The following TENM1 variants were observed in gnomAD, a reference collection of about 807,000 sequenced individuals.
TENM1 encodes teneurin transmembrane protein 1.
A neutral mutation model predicts 174.8 loss-of-function variants in TENM1; 35 were observed. The observed-to-expected ratio is 0.20, with a 90% CI of 0.15 to 0.27. The LOEUF (loss-of-function observed/expected upper bound fraction) is 0.27, where lower values mean the gene tolerates loss of function less well. Ranked by LOEUF, TENM1 falls within the 10% of genes least tolerant of loss-of-function variation. The pLI is 1.00. For missense variants in TENM1, 1,633 were observed against 2,130.1 expected (o/e 0.77, Z 4.59); for synonymous variants, 781 against 798.7 (o/e 0.98, Z 0.37).
At chrX:124,666,013 T>C (rs1275702817) in intron 6 of TENM1, among the ~76,000 whole-genome samples, 1 of 111,920 alleles carries the variant, frequency 8.9e-6, no homozygotes, top group Admixed American at 9.5e-5. Flanking sequence ...CAGTAGTCAC[T>C]ATTTGGTCTT....
At chrX:125,063,235 G>A in the TENM1 span, among the ~76,000 whole-genome samples, 1 of 111,809 alleles carries the variant, frequency 8.9e-6, no homozygotes, top group South Asian at 3.7e-4. Flanking sequence ...ACTTCAAAAC[G>A]TTCATGGAAG....
the TENM1 span, among the ~76,000 whole-genome samples, chrX:125,152,595 TC>T: frequency 3.6e-5 from 4 of 111,898 alleles, no homozygotes; most frequent in Non-Finnish European, 7.5e-5. Context: ...AACCAGATTT[TC>T]CTAAATAGTT....
chrX:125,190,184 T>C, the TENM1 span, among the ~76,000 whole-genome samples: 2 of 112,013 alleles, frequency 1.8e-5, no homozygotes, highest in Non-Finnish European at 3.8e-5. Context: ...CCTCAAGGCC[T>C]AGAGAACTTC....
At chrX:124,982,953 C>T in the TENM1 span, among the ~76,000 whole-genome samples, 51 of 112,043 alleles carry the variant, frequency 4.6e-4, no homozygotes, top group African/African-American at 1.4e-3. Flanking sequence ...ACCAGTTCCT[C>T]CATTCACTTA....
At chrX:124,799,811 AG>A (rs1025981914) in intron 3 of TENM1, among the ~76,000 whole-genome samples, 1 of 111,529 alleles carries the variant, frequency 9.0e-6, no homozygotes, top group Non-Finnish European at 1.9e-5. Context: ...TTTAACGTGA[AG>A]GGATGTTGAA....
chrX:124,708,839 TA>T (rs202084251), intron 4 of TENM1, among the ~76,000 whole-genome samples: 6 of 110,114 alleles, frequency 5.4e-5, no homozygotes, highest in African/African-American at 1.3e-4. Flanking sequence ...GTAACTAAGA[TA>T]AAAAAAAAGA....
chrX:125,001,891 C>T, the TENM1 span, among the ~76,000 whole-genome samples: 10 of 75,427 alleles, frequency 1.3e-4, no homozygotes, highest in East Asian at 4.0e-3. Flanking sequence ...ACACACACAG[C>T]TCTCTCTACC....
chrX:124,555,256 A>G (rs1231828270), intron 14 of TENM1, among the ~76,000 whole-genome samples: 1 of 111,607 alleles, frequency 9.0e-6, no homozygotes, highest in Non-Finnish European at 1.9e-5. Flanking sequence ...GGGCATATAT[A>G]CATGCTGTTT....
Position 124,641,270 on chromosome X carries a change from A to G in TENM1, c.2077+521T>C, listed in dbSNP as rs143649810. On this transcript the variant is annotated intron_variant, in intron 11 of 31. Coordinates refer to ENST00000422452, the Ensembl canonical transcript of TENM1. ...TTTGATCATAGACTAGGACACTTGAAGTTTATCTACAGATAATGGGAAACT... is the reference window on the plus strand; with the variant it reads ...TTTGATCATAGACTAGGACACTTGAGGTTTATCTACAGATAATGGGAAACT... Among the ~76,000 whole-genome samples, 371 of 112,153 alleles carry G rather than the reference A, an allele frequency of 3.3e-3. 2 individuals are homozygous for G. Among genetic ancestry groups the G allele is most frequent in the African/African-American group, 0.011 (346 of 30,875 alleles).
chrX:124,744,429 T>C, intron 3 of TENM1, among the ~76,000 whole-genome samples: 1 of 112,046 alleles, frequency 8.9e-6, no homozygotes, highest in Non-Finnish European at 1.9e-5. Context: ...TAAACGTTAG[T>C]ATACGGTATT....
At chrX:125,200,451 A>T in the TENM1 span, among the ~76,000 whole-genome samples, 1 of 111,421 alleles carries the variant, frequency 9.0e-6, no homozygotes, top group South Asian at 3.7e-4. Context: ...CTGTAGTCAT[A>T]CTAGGAATCC....
At chrX:124,715,445 T>C (rs1054341784) in intron 4 of TENM1, among the ~76,000 whole-genome samples, 3 of 111,017 alleles carry the variant, frequency 2.7e-5, no homozygotes, top group African/African-American at 9.8e-5. Flanking sequence ...TTCCCTTTGC[T>C]GAAAGTCAGT....
chrX:124,807,878 TACACACACACAC>T (rs151254866), intron 3 of TENM1, among the ~76,000 whole-genome samples: 56 of 85,171 alleles, frequency 6.6e-4, no homozygotes, highest in Non-Finnish European at 1.1e-3. Flanking sequence ...GAAAATCACT[TACACACACACAC>T]ACACACACAC....
At chrX:124,523,323 T>A in intron 17 of TENM1, 41 bp downstream of exon 20, 6 of 1,186,802 alleles carry the variant, frequency 5.1e-6, no homozygotes, top group Non-Finnish European at 6.9e-6. Flanking sequence ...GACCACTCCA[T>A]GATATTATTA....
At chrX:124,790,842 A>G (rs1490250724) in intron 3 of TENM1, among the ~76,000 whole-genome samples, 1 of 111,349 alleles carries the variant, frequency 9.0e-6, no homozygotes, top group South Asian at 3.7e-4. Context: ...ATACTTATTT[A>G]TATGTATAAT....
the TENM1 span, among the ~76,000 whole-genome samples, chrX:125,080,397 T>A: frequency 9.0e-6 from 1 of 111,167 alleles, no homozygotes; most frequent in African/African-American, 3.3e-5. Context: ...TGGAGACCCA[T>A]ACCAGCTCAG....
chrX:124,850,075 TAGTC>T (rs1187702526), intron 3 of TENM1, among the ~76,000 whole-genome samples: 2 of 111,998 alleles, frequency 1.8e-5, no homozygotes, highest in Non-Finnish European at 3.8e-5. Flanking sequence ...GCAAGGCTGG[TAGTC>T]AGCTATACCA....
At chrX:125,024,694 T>C in the TENM1 span, among the ~76,000 whole-genome samples, 1 of 111,404 alleles carries the variant, frequency 9.0e-6, no homozygotes, top group African/African-American at 3.3e-5. Context: ...TCCCAGACTT[T>C]ACCATTAAAC....
chrX:124,780,252 C>T (rs192662634), intron 3 of TENM1, among the ~76,000 whole-genome samples: 271 of 112,268 alleles, frequency 2.4e-3, no homozygotes, highest in African/African-American at 8.2e-3. Flanking sequence ...AAATTACAAC[C>T]CTTCAAGGAC....
Sources: allele counts gnomAD v4.1 joint callset (sites outside exome capture counted in the v4.1 genomes callset), GRCh38; gene constraint gnomAD v4.1.1; transcripts MANE v1.5; gene names NCBI Gene and HGNC (gene_info 2026-07-23, HGNC 2026-07-21).